Variants in SLC9A7 observed in about 807,000 individuals in gnomAD.
SLC9A7 encodes solute carrier family 9 member A7, also known as sodium/hydrogen exchanger 7.
A neutral mutation model predicts 52.6 loss-of-function variants in SLC9A7; 19 were observed. The ratio of observed to expected loss-of-function variants is 0.36; its 90% CI spans 0.25 to 0.53. The LOEUF is 0.53. SLC9A7 is among the 20% of genes least tolerant of loss of function. The probability of loss-of-function intolerance (pLI) is 0.91; values close to 1 mark genes in which losing one functional copy is unlikely to be tolerated. For missense variants in SLC9A7, 455 were observed against 597.9 expected, an observed-to-expected ratio of 0.76 and a Z score of 2.49; for synonymous variants, 226 against 252.1, an observed-to-expected ratio of 0.90 and a Z score of 0.98.
At chrX:46,619,396 C>T (rs1390455150) in intron 15 of SLC9A7, among the ~76,000 whole-genome samples, 1 of 111,166 alleles carries the variant, frequency 9.0e-6, no homozygotes, top group Non-Finnish European at 1.9e-5. Context: ...CAATGTTACT[C>T]CTGGGTAGAT....
At chrX:46,700,511 A>C (rs1944514779) in intron 1 of SLC9A7, among the ~76,000 whole-genome samples, 1 of 111,859 alleles carries the variant, frequency 8.9e-6, no homozygotes, top group African/African-American at 3.3e-5. Flanking sequence ...TTTTCCTCTG[A>C]GCTTCTGCCG....
chrX:46,758,884 T>C lies in SLC9A7; in HGVS notation c.146A>G (p.Glu49Gly). The C allele has an allele frequency of 1.7e-6, 2 of 1,186,968 alleles. No homozygotes were observed. Among genetic ancestry groups the C allele is most frequent in the South Asian group, 3.8e-5 (2 of 53,213 alleles). Residue 49 changes from glutamate to glycine, a missense_variant, in exon 1 of 17, where the codon GAG becomes GGG. Transcript: ENST00000616978. ...ASASSSGAAAEDSSAMEELAT... is the reference protein window; with the variant it reads ...ASASSSGAAAGDSSAMEELAT... The stretch of plus-strand genomic sequence containing the variant: ...GAGCTCCTCCATGGCGCTGCTGTCC[T>C]CCGCCGCCGCCCCAGAGGAGGAGGC...
chrX:46,646,313 A>G (rs1943491798), intron 11 of SLC9A7, among the ~76,000 whole-genome samples: 2 of 111,428 alleles, frequency 1.8e-5, no homozygotes, highest in Admixed American at 1.9e-4. Context: ...TAAAAACCCA[A>G]GTCCCTACCT....
chrX:46,674,457 A>AT, intron 3 of SLC9A7, among the ~76,000 whole-genome samples: 1 of 112,097 alleles, frequency 8.9e-6, no homozygotes, highest in Non-Finnish European at 1.9e-5. Context: ...TTTCACATAT[A>AT]TTAGCCCATC....
chrX:46,698,386 C>T (rs5906256), intron 1 of SLC9A7, among the ~76,000 whole-genome samples: 33,911 of 110,256 alleles, frequency 0.31, 3,967 homozygotes, highest in South Asian at 0.41. Flanking sequence ...TCAAGCTGGC[C>T]GACGCTTAAG....
At chrX:46,651,484 T>C (rs1327655366) in intron 8 of SLC9A7, 80 bp from the exon 9 acceptor site, 1 of 808,478 alleles carries the variant, frequency 1.2e-6, no homozygotes, top group Non-Finnish European at 1.8e-6. Context: ...GAACAAAAAG[T>C]TAAGGTAGGC....
At chrX:46,676,940 T>C (rs992043152) in intron 3 of SLC9A7, among the ~76,000 whole-genome samples, 1 of 111,607 alleles carries the variant, frequency 9.0e-6, no homozygotes, top group African/African-American at 3.3e-5. Context: ...CGTAACCTCA[T>C]ATGCATCATT....
At chrX:46,742,717 TAA>T (rs1228414957) in intron 1 of SLC9A7, among the ~76,000 whole-genome samples, 2 of 111,763 alleles carry the variant, frequency 1.8e-5, no homozygotes, top group Admixed American at 9.5e-5. Context: ...ATATCAAAAG[TAA>T]AAAGTCAATT....
intron 1 of SLC9A7, among the ~76,000 whole-genome samples, chrX:46,753,075 A>G (rs986185840): frequency 2.0e-4 from 22 of 112,581 alleles, no homozygotes; most frequent in East Asian, 5.5e-4. Context: ...CTTTATATCC[A>G]GAGACCGCTT....
chrX:46,622,394 G>A (rs1265099802), intron 14 of SLC9A7, among the ~76,000 whole-genome samples: 1 of 111,987 alleles, frequency 8.9e-6, no homozygotes, highest in Non-Finnish European at 1.9e-5. Flanking sequence ...AGTAGCAGAT[G>A]ACTTTTTTGA....
intron 7 of SLC9A7, among the ~76,000 whole-genome samples, chrX:46,657,542 T>C (rs1434893171): frequency 1.9e-5 from 2 of 106,543 alleles, no homozygotes; most frequent in Admixed American, 2.0e-4. Flanking sequence ...ACCAAGCAAA[T>C]GGAAAACAAA....
At chrX:46,720,165 T>C in intron 1 of SLC9A7, among the ~76,000 whole-genome samples, 1 of 111,838 alleles carries the variant, frequency 8.9e-6, no homozygotes, top group Non-Finnish European at 1.9e-5. Flanking sequence ...ATCAAAGATC[T>C]TGACCTGCAT....
At position 46,614,060 on chromosome X, in the gene SLC9A7, C is replaced by T. The variant is rs1185974187; in HGVS notation, c.1824-666G>A. 2.7e-5 allele frequency among the ~76,000 whole-genome samples: 3 copies of T among 111,851 alleles called. No individual in the cohort carries two copies. The Admixed American group carries it at 2.8e-4, about 11-fold the overall frequency. ...GGCTTTTCAACCTCAACACTATTGA[C>T]ATTTAGGGCCAGATCATTCTTTGTT... On this transcript the variant is annotated intron_variant, in intron 15 of 16. Coordinates refer to ENST00000616978, the MANE Select transcript of SLC9A7 (RefSeq NM_001257291.2).
intron 1 of SLC9A7, among the ~76,000 whole-genome samples, chrX:46,711,328 G>A (rs943314766): frequency 3.6e-5 from 4 of 112,598 alleles, no homozygotes; most frequent in African/African-American, 1.3e-4. Context: ...AGAAAACCGC[G>A]TGGCATAAAG....
intron 1 of SLC9A7, chrX:46,685,669 G>C (rs1022638039): frequency 9.0e-6 from 1 of 110,911 alleles, no homozygotes; most frequent in Non-Finnish European, 1.9e-5. Flanking sequence ...AGGGCTCTGG[G>C]GGGCTCTCTC....
chrX:46,651,146 C>T lies in SLC9A7; in HGVS notation c.1314G>A (p.Lys438=), dbSNP rs776161309. The stretch of plus-strand genomic sequence containing the variant: ...TGATGAAAATGGGGCTGAAAACGTG[C>T]TTCTGGAAGGTAAACAGTGCCAGGC... ...YMGLALFTFQ[K]HVFSPIFIIG... The change falls in exon 10 of 17, where the codon AAG becomes AAA. Residue 438 remains lysine, a synonymous_variant. Transcript: ENST00000616978. The T allele has an allele frequency of 3.2e-5, 39 of 1,206,567 alleles. No homozygotes were observed. The highest frequency in any genetic ancestry group is 2.3e-4 in the Middle Eastern group (1 of 4,367).
chrX:46,717,938 A>G (rs1474999342), intron 1 of SLC9A7, among the ~76,000 whole-genome samples: 2 of 111,827 alleles, frequency 1.8e-5, no homozygotes, highest in African/African-American at 6.5e-5. Flanking sequence ...CAGAATTGGA[A>G]AAAACTACTT....
chrX:46,698,199 T>C (rs750265738), intron 1 of SLC9A7, among the ~76,000 whole-genome samples: 1 of 111,989 alleles, frequency 8.9e-6, no homozygotes, highest in Non-Finnish European at 1.9e-5. Flanking sequence ...CCTTGTAAAG[T>C]ACTTGATGTT....
chrX:46,735,493 T>G (rs1945107107), intron 1 of SLC9A7, among the ~76,000 whole-genome samples: 1 of 112,278 alleles, frequency 8.9e-6, no homozygotes, highest in Admixed American at 9.4e-5. Flanking sequence ...TTGTTATAAA[T>G]TTTATTTTTT....
Sources: gnomAD v4.1 joint callset for allele counts (sites outside exome capture counted in the v4.1 genomes callset) on GRCh38, gnomAD v4.1.1 for gene constraint, MANE v1.5 for transcripts, NCBI Gene and HGNC (gene_info 2026-07-23, HGNC 2026-07-21) for gene names.